Variants in CBFA2T2 observed in about 807,000 individuals in gnomAD.
CBFA2T2 encodes CBFA2/RUNX1 partner transcriptional co-repressor 2.
CBFA2T2 carries 11 observed loss-of-function variants against 62.2 expected under a neutral mutation model. The observed-to-expected ratio is 0.18, with a 90% CI of 0.11 to 0.29. The LOEUF (loss-of-function observed/expected upper bound fraction) is 0.29. Among genes scored for constraint, CBFA2T2 ranks in the 10% least tolerant of loss-of-function variants. CBFA2T2 has a pLI of 1.00. For synonymous variants in CBFA2T2, 295 were observed against 287.5 expected (o/e 1.03, Z -0.27); for missense variants, 592 against 774.1 (o/e 0.76, Z 2.79).
chr20:33,552,802 C>G (rs2012774247), intron 1 of CBFA2T2, among the ~76,000 whole-genome samples: 1 of 152,174 alleles, frequency 6.6e-6, no homozygotes. Flanking sequence ...ATGCTGACTT[C>G]CTCCTGCTTC....
At chr20:33,597,053 C>T (rs2014925195) in intron 1 of CBFA2T2, among the ~76,000 whole-genome samples, 1 of 151,446 alleles carries the variant, frequency 6.6e-6, no homozygotes, top group African/African-American at 2.4e-5. Flanking sequence ...GCCTCCAAAG[C>T]AGCTGGAATT....
chr20:33,536,829 T>C (rs1237836735), intron 1 of CBFA2T2, among the ~76,000 whole-genome samples: 1 of 141,058 alleles, frequency 7.1e-6, no homozygotes, highest in Non-Finnish European at 1.5e-5. Flanking sequence ...GAAGAGGCGC[T>C]CCTCACTTCC....
intron 1 of CBFA2T2, among the ~76,000 whole-genome samples, chr20:33,599,120 G>A (rs2122263749): frequency 6.6e-6 from 1 of 152,282 alleles, no homozygotes; most frequent in Non-Finnish European, 1.5e-5. Flanking sequence ...AAATTAGCTG[G>A]GCTCAGTGGC....
intron 1 of CBFA2T2, among the ~76,000 whole-genome samples, chr20:33,547,306 A>G (rs1433838280): frequency 1.3e-5 from 2 of 152,202 alleles, no homozygotes; most frequent in African/African-American, 2.4e-5. Flanking sequence ...AGTCGGGAGG[A>G]TGACTTGGAC....
Position 33,640,358 on chromosome 20 carries a change from G to A in CBFA2T2, c.1315G>A (p.Val439Met). The A allele has an allele frequency of 1.2e-6, 2 of 1,613,814 alleles. No homozygotes were observed. Among genetic ancestry groups the A allele is most frequent in the Non-Finnish European group, 1.7e-6 (2 of 1,179,770 alleles). ...WKKTEEAVNKVKIQAMSEVQK... is the reference protein window; with the variant it reads ...WKKTEEAVNKMKIQAMSEVQK... The stretch of plus-strand genomic sequence containing the variant: ...TCTTCTAGAAGAAGCTGTGAATAAG[G>A]TGAAAATTCAGGCCATGTCAGAAGT... The change falls in exon 10 of 11, where the codon GTG becomes ATG. Residue 439 changes from valine to methionine, a missense_variant. Around this residue, in one of 3 missense-constraint regions of CBFA2T2, gnomAD observed 58 missense variants for 123.9 expected, o/e 0.47. Coordinates refer to ENST00000342704, the MANE Select transcript of CBFA2T2 (RefSeq NM_001032999.3).
intron 3 of CBFA2T2, among the ~76,000 whole-genome samples, chr20:33,611,941 C>A (rs2122300854): frequency 6.6e-6 from 1 of 152,188 alleles, no homozygotes; most frequent in Admixed American, 6.5e-5. Flanking sequence ...TGGTGTCCAA[C>A]CAAGTTAATG....
At chr20:33,574,887 G>A (rs2013750471) in intron 1 of CBFA2T2, among the ~76,000 whole-genome samples, 1 of 152,164 alleles carries the variant, frequency 6.6e-6, no homozygotes, top group African/African-American at 2.4e-5. Context: ...GATTTAAAAT[G>A]AAAAGATTAA....
At chr20:33,592,999 A>G (rs2014728473) in intron 1 of CBFA2T2, among the ~76,000 whole-genome samples, 1 of 152,168 alleles carries the variant, frequency 6.6e-6, no homozygotes. Flanking sequence ...ATCTAGATCC[A>G]TCCTCCCCCA....
intron 1 of CBFA2T2, among the ~76,000 whole-genome samples, chr20:33,512,091 C>G (rs570929683): frequency 6.6e-6 from 1 of 152,170 alleles, no homozygotes; most frequent in Non-Finnish European, 1.5e-5. Flanking sequence ...GTAGGAGAAT[C>G]GCTTGAACCC....
intron 1 of CBFA2T2, among the ~76,000 whole-genome samples, chr20:33,491,783 C>T (rs538672429): frequency 1.3e-5 from 2 of 151,902 alleles, no homozygotes; most frequent in Admixed American, 1.3e-4. Context: ...CTCACTGCAA[C>T]CTCCGTCTCC....
chr20:33,604,441 A>G (rs1169625387), intron 1 of CBFA2T2, among the ~76,000 whole-genome samples: 3 of 152,230 alleles, frequency 2.0e-5, no homozygotes, highest in African/African-American at 7.2e-5. Flanking sequence ...GAGAATTCAC[A>G]CGGAATCTCT....
At chr20:33,634,095 A>G (rs1446752849) in intron 8 of CBFA2T2, among the ~76,000 whole-genome samples, 1 of 152,052 alleles carries the variant, frequency 6.6e-6, no homozygotes, top group Admixed American at 6.5e-5. Context: ...CAGCCTCCCA[A>G]GTAGCTGGAA....
rs992624405 is a variant in CBFA2T2, at chr20:33,498,182, T to C, written c.34+7881T>C. On this transcript the variant is annotated intron_variant, in intron 1 of 10. Coordinates refer to ENST00000342704, the MANE Select transcript of CBFA2T2 (RefSeq NM_001032999.3). ...CTAGGCTCAAGTGATCCACCTGCCT[T>C]GGCCTCCCAACGTGCTGGCATTAAC... is the stretch of plus-strand genomic sequence containing the variant. 7.9e-5 allele frequency among the ~76,000 whole-genome samples: 12 copies of C among 151,770 alleles called. No homozygotes were observed. In the East Asian group the frequency reaches 2.3e-3, roughly 30 times the overall value.
intron 1 of CBFA2T2, among the ~76,000 whole-genome samples, chr20:33,592,895 A>ATATC (rs779332810): frequency 8.5e-5 from 13 of 152,166 alleles, no homozygotes; most frequent in Non-Finnish European, 1.9e-4. Flanking sequence ...AAGAAGCTGA[A>ATATC]TATCTACATC....
At chr20:33,550,382 C>T (rs1177857717) in intron 1 of CBFA2T2, among the ~76,000 whole-genome samples, 1 of 152,154 alleles carries the variant, frequency 6.6e-6, no homozygotes, top group African/African-American at 2.4e-5. Flanking sequence ...TTTAACTCCC[C>T]TCCCCCTATT....
intron 2 of CBFA2T2, among the ~76,000 whole-genome samples, chr20:33,610,265 G>A (rs187628421): frequency 6.6e-6 from 1 of 152,310 alleles, no homozygotes; most frequent in Admixed American, 6.5e-5. Context: ...CCAAGATGGT[G>A]CTGCTGCACT....
At chr20:33,505,830 C>T (rs935770449) in intron 1 of CBFA2T2, among the ~76,000 whole-genome samples, 2 of 151,870 alleles carry the variant, frequency 1.3e-5, no homozygotes, top group Non-Finnish European at 2.9e-5. Flanking sequence ...GTGGCTTAGG[C>T]TTGTAATCCT....
At chr20:33,628,829 A>G (rs536796309) in intron 7 of CBFA2T2, among the ~76,000 whole-genome samples, 1 of 152,342 alleles carries the variant, frequency 6.6e-6, no homozygotes, top group Non-Finnish European at 1.5e-5. Context: ...AACCACAGCC[A>G]TGACATCCTT....
chr20:33,624,102 C>T (rs2016117701), intron 5 of CBFA2T2: 2 of 497,968 alleles, frequency 4.0e-6, no homozygotes, highest in Non-Finnish European at 7.0e-6. Context: ...AATGACTCAC[C>T]TTTACTGAGA....
Sources: allele counts gnomAD v4.1 joint callset (sites outside exome capture counted in the v4.1 genomes callset), GRCh38; gene constraint gnomAD v4.1.1; regional missense constraint gnomAD v4.1.1; transcripts MANE v1.5; gene names NCBI Gene and HGNC (gene_info 2026-07-23, HGNC 2026-07-21).